DACH2: variants seen among roughly 807,000 people sequenced by gnomAD.
DACH2 encodes dachshund family transcription factor 2.
In DACH2, 17 loss-of-function variants were observed where a neutral mutation model predicts 35.8. The ratio of observed to expected loss-of-function variants is 0.48; its 90% CI spans 0.33 to 0.71. The LOEUF (loss-of-function observed/expected upper bound fraction) is 0.71. Among genes scored for constraint, DACH2 ranks in the 30% least tolerant of loss-of-function variants. DACH2 has a pLI of 0.02. For missense variants in DACH2, 469 were observed against 472.7 expected (o/e 0.99, Z 0.07); for synonymous variants, 195 against 177.3 (o/e 1.10, Z -0.79).
intron 1 of DACH2, among the ~76,000 whole-genome samples, chrX:86,319,344 A>G (rs977494871): frequency 8.9e-6 from 1 of 112,113 alleles, no homozygotes; most frequent in African/African-American, 3.2e-5. Context: ...ATCTTTAACT[A>G]AAAACATCTT....
intron 3 of DACH2, among the ~76,000 whole-genome samples, chrX:86,544,525 T>A (rs1288962615): frequency 9.0e-6 from 1 of 111,380 alleles, no homozygotes; most frequent in Non-Finnish European, 1.9e-5. Flanking sequence ...AACTAAGAAT[T>A]TTATTTCTGG....
At chrX:86,396,395 A>G (rs1347905390) in intron 2 of DACH2, among the ~76,000 whole-genome samples, 1 of 94,833 alleles carries the variant, frequency 1.1e-5, no homozygotes, top group Non-Finnish European at 2.1e-5. Context: ...TAGTTTAATT[A>G]GATCCCATTT....
intron 3 of DACH2, among the ~76,000 whole-genome samples, chrX:86,592,607 T>C (rs2039661468): frequency 8.9e-6 from 1 of 112,333 alleles, no homozygotes; most frequent in African/African-American, 3.2e-5. Context: ...ATACATCAAG[T>C]TATGTAGAAC....
chrX:86,392,504 A>G (rs980090388), intron 2 of DACH2, among the ~76,000 whole-genome samples: 1 of 112,097 alleles, frequency 8.9e-6, no homozygotes, highest in Admixed American at 9.5e-5. Flanking sequence ...TTTGTGGAGG[A>G]TAATAAGTCA....
intron 4 of DACH2, among the ~76,000 whole-genome samples, chrX:86,679,958 T>G (rs36009353): frequency 0.17 from 18,773 of 110,526 alleles, 1,350 homozygotes; most frequent in East Asian, 0.49. Context: ...GAATACCTAG[T>G]CTATTAGTGA....
At chrX:86,800,651 T>A (rs1006197649) in intron 7 of DACH2, among the ~76,000 whole-genome samples, 4 of 111,184 alleles carry the variant, frequency 3.6e-5, no homozygotes, top group Admixed American at 2.9e-4. Flanking sequence ...AGCAACAGCT[T>A]TTTTTGTTTG....
chrX:86,485,210 G>T (rs767817016), intron 2 of DACH2, among the ~76,000 whole-genome samples: 31 of 111,758 alleles, frequency 2.8e-4, no homozygotes, highest in African/African-American at 9.7e-4. Context: ...TGAATTAAAA[G>T]GATATGAATG....
chrX:86,549,707 C>T (rs1328746919), intron 3 of DACH2, among the ~76,000 whole-genome samples: 2 of 110,676 alleles, frequency 1.8e-5, no homozygotes, highest in East Asian at 5.6e-4. Flanking sequence ...AAAATTAAAA[C>T]ATTTTATTAA....
intron 3 of DACH2, among the ~76,000 whole-genome samples, chrX:86,548,274 G>T (rs2039002390): frequency 9.0e-6 from 1 of 110,982 alleles, no homozygotes; most frequent in African/African-American, 3.3e-5. Context: ...AATTTTTTAT[G>T]ATCCATATTG....
At chrX:86,468,572 T>C (rs1394231772) in intron 2 of DACH2, among the ~76,000 whole-genome samples, 1 of 111,837 alleles carries the variant, frequency 8.9e-6, no homozygotes, top group African/African-American at 3.2e-5. Context: ...TTGAGTTTCA[T>C]GCTAAAGATA....
intron 1 of DACH2, among the ~76,000 whole-genome samples, chrX:86,363,505 A>G (rs1351847720): frequency 8.9e-6 from 1 of 111,779 alleles, no homozygotes; most frequent in Non-Finnish European, 1.9e-5. Flanking sequence ...TTTCATAATT[A>G]TAACAATTTA....
In DACH2 at chrX:86,622,895, TAAAAA is replaced by T. The variant is rs376855008; in HGVS notation, c.641-28140_641-28136del. Among the ~76,000 whole-genome samples, 746 of 111,644 alleles carry T rather than the reference TAAAAA, an allele frequency of 6.7e-3. 8 individuals are homozygous for T. The highest frequency in any genetic ancestry group is 0.023 in the African/African-American group (721 of 30,798). ...CAACACATGATGATTACAGTTGAATTAAAAAGAAAAAAAACTGGTGTTTGATGGCA... is the reference window on the plus strand; with the variant it reads ...CAACACATGATGATTACAGTTGAATTGAAAAAAAACTGGTGTTTGATGGCA... On this transcript the variant is annotated intron_variant, in intron 3 of 11. Coordinates refer to ENST00000373125, the MANE Select transcript of DACH2 (RefSeq NM_053281.3).
At chrX:86,195,692 C>T (rs2031960318) in intron 1 of DACH2, among the ~76,000 whole-genome samples, 2 of 111,678 alleles carry the variant, frequency 1.8e-5, no homozygotes, top group Non-Finnish European at 1.9e-5. Context: ...CTTTGGAGTG[C>T]AGTGAGCAGT....
intron 1 of DACH2, chrX:86,160,387 A>G (rs1219589102): frequency 6.2e-6 from 4 of 641,849 alleles, no homozygotes; most frequent in Admixed American, 2.4e-5. Flanking sequence ...AGCTCTCAAT[A>G]CACATGAGGT....
chrX:86,500,239 A>T (rs911884762), intron 2 of DACH2, among the ~76,000 whole-genome samples: 3 of 111,753 alleles, frequency 2.7e-5, no homozygotes, highest in African/African-American at 9.8e-5. Flanking sequence ...GTCTTCGCCG[A>T]TTAAAGGCAT....
chrX:86,611,169 A>T (rs2039939559), intron 3 of DACH2, among the ~76,000 whole-genome samples: 2 of 110,581 alleles, frequency 1.8e-5, no homozygotes, highest in South Asian at 7.8e-4. Context: ...CTTTAAGGAA[A>T]TTGGTTTCCT....
At chrX:86,734,051 T>C (rs2041566503) in intron 6 of DACH2, among the ~76,000 whole-genome samples, 1 of 110,590 alleles carries the variant, frequency 9.0e-6, no homozygotes, top group Non-Finnish European at 1.9e-5. Context: ...GCCCACAACT[T>C]AACTTGGAAA....
intron 3 of DACH2, among the ~76,000 whole-genome samples, chrX:86,604,756 G>A (rs540368359): frequency 2.7e-5 from 3 of 111,454 alleles, no homozygotes; most frequent in African/African-American, 9.7e-5. Context: ...AAGCATATGA[G>A]GAAGGCAGAA....
chrX:86,363,178 T>C (rs1344706950), intron 1 of DACH2, among the ~76,000 whole-genome samples: 1 of 111,529 alleles, frequency 9.0e-6, no homozygotes, highest in African/African-American at 3.2e-5. Flanking sequence ...TATGTTTAGA[T>C]TATATTTAAG....
Sources: gnomAD v4.1 joint callset for allele counts (sites outside exome capture counted in the v4.1 genomes callset) on GRCh38, gnomAD v4.1.1 for gene constraint, MANE v1.5 for transcripts, NCBI Gene and HGNC (gene_info 2026-07-23, HGNC 2026-07-21) for gene names.